The following AK9 variants were observed in gnomAD, a reference collection of about 807,000 sequenced individuals.
AK9 encodes the protein adenylate kinase 9.
Under a neutral mutation model 239.6 loss-of-function variants are expected in AK9, and 191 were observed. The observed-to-expected ratio is 0.80, with a 90% CI of 0.71 to 0.90. AK9 has a LOEUF of 0.90. Ranked by LOEUF, AK9 falls within the 40% of genes least tolerant of loss-of-function variation. The pLI, the probability that AK9 is intolerant of heterozygous loss-of-function variation, is 0.00. For synonymous variants in AK9, 689 were observed against 721.0 expected (o/e 0.96, Z 0.71); for missense variants, 1,995 against 2,214.7 (o/e 0.90, Z 1.99).
rs149988039 is a variant in AK9 at position 109,688,733 on chromosome 6, A to C, written c.-12+2414T>G. On this transcript the variant is annotated intron_variant, in intron 1 of 40. Transcript: ENST00000424296. Reference sequence around the variant, plus strand: ...GAGAGATGGTTCTATCAGGGGACCCAGTAAAGGTTTCATTAAATCTTAAAA... The same window carrying C: ...GAGAGATGGTTCTATCAGGGGACCCCGTAAAGGTTTCATTAAATCTTAAAA... 2.3e-3 allele frequency among the ~76,000 whole-genome samples: 356 copies of C among 152,326 alleles called. 4 individuals carry two copies. The highest frequency in any genetic ancestry group is 8.3e-3 in the African/African-American group (344 of 41,562).
At chr6:109,584,903 A>G (rs1427933339) in intron 19 of AK9, among the ~76,000 whole-genome samples, 2 of 152,128 alleles carry the variant, frequency 1.3e-5, no homozygotes, top group Non-Finnish European at 2.9e-5. Flanking sequence ...TTGATTTAGA[A>G]TAAGTTTGAT....
chr6:109,525,238 C>A (rs1302873348), intron 29 of AK9, among the ~76,000 whole-genome samples: 1 of 152,110 alleles, frequency 6.6e-6, no homozygotes, highest in African/African-American at 2.4e-5. Flanking sequence ...CAGTACCATG[C>A]TGTTTTGGTT....
In AK9 at chr6:109,585,116, AT is replaced by A; in HGVS notation, c.2114+6del. ...TAATCTGTTTTATCATTCTAGGCAG[AT>A]TTTACCTTGCTTCTTCTTCTTCTTT... On this transcript the variant is annotated splice_donor_region_variant and intron_variant, in intron 19 of 40. Transcript: ENST00000424296. 1 of 1,150,856 alleles carries A rather than the reference AT, an allele frequency of 8.7e-7. No homozygotes were observed. Among genetic ancestry groups the A allele is most frequent in the Admixed American group, 4.1e-5 (1 of 24,508 alleles). The allele number at this position is 1,150,856 out of a possible 1,614,324, so 71.3% of individuals were successfully genotyped here. A position where few individuals can be genotyped will look rare whatever the true frequency, so the allele number is the denominator to read the frequency against.
chr6:109,577,426 G>A (rs889538132), intron 20 of AK9, among the ~76,000 whole-genome samples: 8 of 151,390 alleles, frequency 5.3e-5, no homozygotes, highest in Non-Finnish European at 7.4e-5. Flanking sequence ...TGTTCAACAG[G>A]GATATTGGTC....
At chr6:109,508,630 A>C (rs1300403801) in intron 33 of AK9, among the ~76,000 whole-genome samples, 1 of 152,166 alleles carries the variant, frequency 6.6e-6, no homozygotes, top group Non-Finnish European at 1.5e-5. Flanking sequence ...CCAGGGCTTC[A>C]GGTTTCATGG....
At chr6:109,571,821 G>A (rs908431865) in intron 21 of AK9, among the ~76,000 whole-genome samples, 1 of 152,086 alleles carries the variant, frequency 6.6e-6, no homozygotes, top group Non-Finnish European at 1.5e-5. Flanking sequence ...TTTTTCTCAG[G>A]TATGCTACTG....
intron 12 of AK9, among the ~76,000 whole-genome samples, chr6:109,631,335 T>C (rs1041081959): frequency 2.0e-5 from 3 of 151,938 alleles, no homozygotes; most frequent in African/African-American, 7.3e-5. Context: ...GAACTCTTAC[T>C]AATAATATAC....
intron 33 of AK9, among the ~76,000 whole-genome samples, chr6:109,507,344 G>GA (rs60973066): frequency 0.086 from 12,896 of 149,334 alleles, 899 homozygotes; most frequent in African/African-American, 0.19. Flanking sequence ...AGCCAATATG[G>GA]AAAAAAAAAA....
intron 8 of AK9, among the ~76,000 whole-genome samples, chr6:109,647,949 T>A (rs1315316739): frequency 6.6e-6 from 1 of 151,672 alleles, no homozygotes; most frequent in African/African-American, 2.4e-5. Flanking sequence ...TCAAAACCGC[T>A]CAACTACATG....
At chr6:109,494,245 T>A in intron 39 of AK9, 150 bp from the exon 40 acceptor site, 1 of 521,400 alleles carries the variant, frequency 1.9e-6, no homozygotes, top group Non-Finnish European at 3.5e-6. Flanking sequence ...AGATGACCAG[T>A]TAGCCAACAG....
At chr6:109,619,525 CATAT>C (rs1046275327) in intron 12 of AK9, among the ~76,000 whole-genome samples, 1 of 151,850 alleles carries the variant, frequency 6.6e-6, no homozygotes, top group East Asian at 1.9e-4. Flanking sequence ...GAAGTTAAAA[CATAT>C]ATATATTTTA....
At chr6:109,524,168 T>C (rs531815957) in intron 29 of AK9, among the ~76,000 whole-genome samples, 98 of 151,670 alleles carry the variant, frequency 6.5e-4, no homozygotes, top group Non-Finnish European at 1.2e-3. Flanking sequence ...AGGAGAGAAA[T>C]AGAAAATATA....
intron 15 of AK9, among the ~76,000 whole-genome samples, chr6:109,613,087 C>T (rs1282748429): frequency 6.7e-6 from 1 of 150,300 alleles, no homozygotes; most frequent in Non-Finnish European, 1.5e-5. Context: ...TAATAATAAT[C>T]TATCCTCTCA....
chr6:109,545,608 T>A (rs2128155324), intron 26 of AK9, among the ~76,000 whole-genome samples: 1 of 152,294 alleles, frequency 6.6e-6, no homozygotes, highest in South Asian at 2.1e-4. Context: ...CCCAGCCACA[T>A]GGAACTAATT....
chr6:109,584,974 G>A (rs766447456), intron 19 of AK9, 149 bp downstream of exon 19: 17 of 588,730 alleles, frequency 2.9e-5, no homozygotes, highest in South Asian at 7.6e-5. Context: ...TTGTGAAATC[G>A]CTGCTTTTCT....
Position 109,633,219 on chromosome 6 carries a change from A to C in AK9, c.1038T>G (p.Gly346=), listed in dbSNP as rs1796321145. 6.2e-7 allele frequency: 1 copy of C among 1,602,060 alleles called. No individual in the cohort carries two copies. Among genetic ancestry groups the C allele is most frequent in the African/African-American group, 1.3e-5 (1 of 74,476 alleles). The change falls in exon 11 of 41, where the codon GGT becomes GGG. Residue 346 remains glycine, a synonymous_variant. Transcript: ENST00000424296. ...GRTCPVNLKD[G]NIYSGLPDYS... ...AATCTGGTAATCCTGAATAAATGTT[A>C]CCATCTTTTAAATTCACAGGACATG... is the stretch of plus-strand genomic sequence containing the variant.
chr6:109,571,381 A>G (rs568111435), intron 21 of AK9, among the ~76,000 whole-genome samples: 1 of 152,306 alleles, frequency 6.6e-6, no homozygotes, highest in South Asian at 2.1e-4. Flanking sequence ...ATTTCCATAT[A>G]GTTATTGTTT....
Position 109,497,356 on chromosome 6 carries a change from A to ACTCTCTCTCT in AK9, c.5315+108_5315+109insAGAGAGAGAG, listed in dbSNP as rs1439292179. The ACTCTCTCTCT allele has an allele frequency of 6.2e-5, 36 of 581,250 alleles. No homozygotes were observed. In the African/African-American group the frequency reaches 6.3e-4, roughly 10 times the overall value. The allele number at this position is 581,250 out of a possible 1,614,324, so 36.0% of individuals were successfully genotyped here. ...CACACACACACACACACACACACAC[A>ACTCTCTCTCT]CACACACTCTCTCTCTCTCTCTCTC... On this transcript the variant is annotated intron_variant, in intron 38 of 40. Coordinates refer to ENST00000424296, the MANE Select transcript of AK9 (RefSeq NM_001145128.3).
At chr6:109,532,413 GT>G (rs1781398313) in intron 28 of AK9, among the ~76,000 whole-genome samples, 3 of 152,034 alleles carry the variant, frequency 2.0e-5, no homozygotes, top group Admixed American at 2.0e-4. Context: ...GCCATCCTAG[GT>G]CCAGACTCAA....
Sources: allele counts gnomAD v4.1 joint callset (sites outside exome capture counted in the v4.1 genomes callset), GRCh38; gene constraint gnomAD v4.1.1; transcripts MANE v1.5; gene names NCBI Gene and HGNC (gene_info 2026-07-23, HGNC 2026-07-21).